NIPBL: variants seen among roughly 807,000 people sequenced by gnomAD.
The protein encoded by NIPBL is NIPBL cohesin loading factor.
NIPBL carries 19 observed loss-of-function variants against 321.8 expected under a neutral mutation model. That is an observed-to-expected ratio of 0.06 (90% confidence interval 0.04 to 0.09). The LOEUF (loss-of-function observed/expected upper bound fraction) is 0.09, where lower values mean the gene tolerates loss of function less well. Ranked by LOEUF, NIPBL falls within the 10% of genes least tolerant of loss-of-function variation. NIPBL has a pLI of 1.00. For missense variants in NIPBL, 2,210 were observed against 3,327.0 expected, an observed-to-expected ratio of 0.66 and a Z score of 8.26; for synonymous variants, 1,106 against 1,114.1, an observed-to-expected ratio of 0.99 and a Z score of 0.14.
intron 1 of NIPBL, among the ~76,000 whole-genome samples, chr5:36,911,146 A>G (rs1014567204): frequency 1.3e-5 from 2 of 152,196 alleles, no homozygotes; most frequent in African/African-American, 2.4e-5. Context: ...CTTGATAGCA[A>G]TTTCTCATAT....
chr5:36,993,850 A>T (rs1468579551), intron 10 of NIPBL, among the ~76,000 whole-genome samples: 2 of 152,222 alleles, frequency 1.3e-5, no homozygotes, highest in Non-Finnish European at 2.9e-5. Flanking sequence ...CAGGAAGTAC[A>T]TCTGTAAGTG....
At chr5:36,885,956 A>G in intron 1 of NIPBL, 2 of 733,908 alleles carry the variant, frequency 2.7e-6, no homozygotes, top group Non-Finnish European at 5.0e-6. Flanking sequence ...CATGGCAGAC[A>G]TACAGGCCCA....
At chr5:36,993,204 A>G (rs532651025) in intron 10 of NIPBL, among the ~76,000 whole-genome samples, 22 of 152,338 alleles carry the variant, frequency 1.4e-4, no homozygotes, top group African/African-American at 4.8e-4. Flanking sequence ...AGGATGATAC[A>G]TGTAGAGACA....
chr5:36,924,282 T>C (rs1248279040), intron 1 of NIPBL, among the ~76,000 whole-genome samples: 3 of 152,166 alleles, frequency 2.0e-5, no homozygotes, highest in Non-Finnish European at 4.4e-5. Context: ...GGATGATTAA[T>C]AAAATGTTTA....
intron 9 of NIPBL, among the ~76,000 whole-genome samples, chr5:36,976,748 A>G (rs1580374470): frequency 1.3e-5 from 2 of 152,066 alleles, no homozygotes; most frequent in South Asian, 2.1e-4. Flanking sequence ...TGCACCTTCA[A>G]ATTTTTTTCT....
intron 1 of NIPBL, among the ~76,000 whole-genome samples, chr5:36,888,660 C>A (rs1250860281): frequency 1.3e-5 from 2 of 152,006 alleles, no homozygotes; most frequent in African/African-American, 4.8e-5. Context: ...TGTGTTGTAA[C>A]AGTATTGCTT....
chr5:36,943,377 G>T (rs1171147904), intron 1 of NIPBL, among the ~76,000 whole-genome samples: 1 of 151,940 alleles, frequency 6.6e-6, no homozygotes, highest in Non-Finnish European at 1.5e-5. Flanking sequence ...ATTGCTGAGT[G>T]AAATTAAAGA....
At chr5:36,904,349 A>G (rs531684619) in intron 1 of NIPBL, among the ~76,000 whole-genome samples, 7 of 152,246 alleles carry the variant, frequency 4.6e-5, no homozygotes, top group African/African-American at 1.7e-4. Context: ...GTGTGCCTGT[A>G]ATCCCACTAC....
At chr5:36,968,109 A>G (rs1181421915) in intron 6 of NIPBL, among the ~76,000 whole-genome samples, 1 of 149,010 alleles carries the variant, frequency 6.7e-6, no homozygotes, top group East Asian at 2.0e-4. Flanking sequence ...AAAAAAAAAA[A>G]AACAAAAAAC....
In NIPBL at chr5:37,001,086, C is replaced by T. The variant is rs377059468; in HGVS notation, c.3664+8C>T. On this transcript the variant is annotated splice_region_variant and intron_variant, in intron 14 of 46. Coordinates refer to ENST00000282516, the MANE Select transcript of NIPBL (RefSeq NM_133433.4). ...TGGATTTTACTGCGTTTGGTAAAATCAACTTAAAATACATTTACACATACT... is the reference window on the plus strand; with the variant it reads ...TGGATTTTACTGCGTTTGGTAAAATTAACTTAAAATACATTTACACATACT... 4 of 1,560,266 alleles carry T rather than the reference C, an allele frequency of 2.6e-6. No homozygotes were observed. The highest frequency in any genetic ancestry group is 3.5e-6 in the Non-Finnish European group (4 of 1,133,306).
At chr5:37,064,187 A>T (rs1755131616) in intron 46 of NIPBL, 4 of 1,414,372 alleles carry the variant, frequency 2.8e-6, no homozygotes, top group African/African-American at 1.4e-5. Flanking sequence ...CAGAAATGAG[A>T]TTTATCCAGC....
At chr5:37,030,775 G>A (rs1441210424) in intron 32 of NIPBL, among the ~76,000 whole-genome samples, 1 of 150,424 alleles carries the variant, frequency 6.6e-6, no homozygotes, top group African/African-American at 2.4e-5. Context: ...TTTTTTTGGA[G>A]ACAGGGTCTC....
intron 8 of NIPBL, 68 bp from the exon 9 acceptor site, chr5:36,975,708 A>T: frequency 7.0e-7 from 1 of 1,428,612 alleles, no homozygotes; most frequent in Non-Finnish European, 9.8e-7. Context: ...ACTTATTAAT[A>T]TTTCTATCAC....
At chr5:36,987,705 A>G (rs558940239) in intron 10 of NIPBL, among the ~76,000 whole-genome samples, 9 of 152,284 alleles carry the variant, frequency 5.9e-5, no homozygotes, top group South Asian at 2.1e-4. Context: ...AGTCGCTAAT[A>G]TTTGTGTTCT....
rs550333746 is a variant in NIPBL, at chr5:36,960,788, C to G, written c.359-696C>G. On this transcript the variant is annotated intron_variant, in intron 4 of 46. Transcript: ENST00000282516. ...AATAAGTGAATTTTTCTGTGTCTCC[C>G]ATATAATGAAATGTCATGTGAATAA... Among the ~76,000 whole-genome samples, 12 of 152,210 alleles carry G rather than the reference C, an allele frequency of 7.9e-5. No individual in the cohort carries two copies. The East Asian group carries it at 2.3e-3, about 29-fold the overall frequency.
chr5:37,045,592 A>G lies in NIPBL; in HGVS notation c.6493A>G (p.Ser2165Gly). 6.2e-7 allele frequency: 1 copy of G among 1,613,962 alleles called. No individual in the cohort carries two copies. The highest frequency in any genetic ancestry group is 8.5e-7 in the Non-Finnish European group (1 of 1,179,828). The change falls in exon 37 of 47, where the codon AGC becomes GGC. Residue 2165 changes from serine to glycine, a missense_variant. Transcript: ENST00000282516. ...TGATCTGGAAGATTTTAAAGGCAAC[A>G]GCAAGGTAAAGGTAGTAATACTTAA... Reference protein sequence around the residue: ...DFDLEDFKGNSKVNIKDKVLE... With the variant: ...DFDLEDFKGNGKVNIKDKVLE...
At chr5:36,948,871 A>G (rs1739972677) in intron 1 of NIPBL, among the ~76,000 whole-genome samples, 1 of 151,836 alleles carries the variant, frequency 6.6e-6, no homozygotes, top group Admixed American at 6.6e-5. Context: ...GAGTCACCAT[A>G]CTTCACTGTC....
At chr5:36,965,138 AAAT>A (rs1033267716) in intron 6 of NIPBL, among the ~76,000 whole-genome samples, 18 of 152,124 alleles carry the variant, frequency 1.2e-4, no homozygotes, top group Admixed American at 1.0e-3. Context: ...AGAATACTAA[AAAT>A]AGAGCTGCTG....
chr5:37,057,800 C>A (rs1459770012), intron 43 of NIPBL, among the ~76,000 whole-genome samples: 1 of 152,186 alleles, frequency 6.6e-6, no homozygotes, highest in Non-Finnish European at 1.5e-5. Flanking sequence ...TGCCCAAAAT[C>A]TTTGCTAAAT....
Sources: allele counts gnomAD v4.1 joint callset (sites outside exome capture counted in the v4.1 genomes callset), GRCh38; gene constraint gnomAD v4.1.1; transcripts MANE v1.5; gene names NCBI Gene and HGNC (gene_info 2026-07-23, HGNC 2026-07-21).